The following RIMS3 variants were observed in gnomAD, a reference collection of about 807,000 sequenced individuals.
RIMS3 encodes regulating synaptic membrane exocytosis 3.
RIMS3 carries 15 observed loss-of-function variants against 29.2 expected under a neutral mutation model. The observed-to-expected ratio is 0.51, with a 90% CI of 0.34 to 0.79. The LOEUF (loss-of-function observed/expected upper bound fraction) is 0.79, where lower values mean the gene tolerates loss of function less well. Ranked by LOEUF, RIMS3 falls within the 30% of genes least tolerant of loss-of-function variation. RIMS3 has a pLI of 0.01. For missense variants in RIMS3, 342 were observed against 421.4 expected (o/e 0.81, Z 1.65); for synonymous variants, 161 against 170.1 (o/e 0.95, Z 0.41).
In RIMS3 at chr1:40,636,178, G is replaced by A; in HGVS notation, c.218-121C>T. On this transcript the variant is annotated intron_variant, in intron 3 of 7. Transcript: ENST00000372684. This position sits in a 1 kb window ranked among gnomAD's most constrained non-coding sequence, Gnocchi z 4.2. ...GGGGGGTTGATGGGGAGGATGAGCAGGGCTCTGACTGGAGGCAGGGGCATG... is the reference window on the plus strand; with the variant it reads ...GGGGGGTTGATGGGGAGGATGAGCAAGGCTCTGACTGGAGGCAGGGGCATG... 1 of 1,287,838 alleles carries A rather than the reference G, an allele frequency of 7.8e-7. No individual in the cohort carries two copies. Among genetic ancestry groups the A allele is most frequent in the Non-Finnish European group, 1.1e-6 (1 of 921,962 alleles). The allele number at this position is 1,287,838 out of a possible 1,614,324, so 79.8% of individuals were successfully genotyped here. A position where few individuals can be genotyped will look rare whatever the true frequency, so the allele number is the denominator to read the frequency against.
chr1:40,644,846 C>G (rs1256292569), intron 2 of RIMS3, among the ~76,000 whole-genome samples: 2 of 152,150 alleles, frequency 1.3e-5, no homozygotes, highest in African/African-American at 4.8e-5. Context: ...TGACCCTGGG[C>G]CCCCGGGCCT....
intron 2 of RIMS3, among the ~76,000 whole-genome samples, chr1:40,642,202 T>C (rs112892997): frequency 0.017 from 2,546 of 152,330 alleles, 30 homozygotes; most frequent in Middle Eastern, 0.051. Context: ...ACCGAGGCTG[T>C]GGAGTCACAT....
intron 1 of RIMS3, among the ~76,000 whole-genome samples, chr1:40,648,313 G>GA (rs1646608256): frequency 6.6e-6 from 1 of 152,102 alleles, no homozygotes; most frequent in African/African-American, 2.4e-5. Context: ...TCTACAAAAC[G>GA]AGTCTAATCA....
rs186188589 is a variant in RIMS3, at chr1:40,636,319, C to A, written c.218-262G>T. Reference sequence around the variant, plus strand: ...AGGCAGAGTCATGATGGCGCCACCACGCAGAGCCGCAGATCCGCAGCTGGG... The same window carrying A: ...AGGCAGAGTCATGATGGCGCCACCAAGCAGAGCCGCAGATCCGCAGCTGGG... On this transcript the variant is annotated intron_variant, in intron 3 of 7. Coordinates refer to ENST00000372684, the MANE Select transcript of RIMS3 (RefSeq NM_014747.3). The surrounding 1 kb of genome is among the most constrained non-coding windows in gnomAD (Gnocchi z 4.2). Among the ~76,000 whole-genome samples the A allele has an allele frequency of 6.6e-6, 1 of 152,194 alleles. No individual in the cohort carries two copies. The highest frequency in any genetic ancestry group is 6.5e-5 in the Admixed American group (1 of 15,288).
intron 3 of RIMS3, 62 bp downstream of exon 3, chr1:40,641,647 G>T: frequency 6.6e-7 from 1 of 1,524,096 alleles, no homozygotes; most frequent in Non-Finnish European, 9.0e-7. Context: ...GGCAGTCCCT[G>T]GGTAGTCTGT....
rs1039224257 is a variant in RIMS3 at position 40,625,016 on chromosome 1, C to T, written c.*1501G>A. On this transcript the variant is annotated 3_prime_UTR_variant, in exon 8 of 8. Coordinates refer to ENST00000372684, the MANE Select transcript of RIMS3 (RefSeq NM_014747.3). Reference sequence around the variant, plus strand: ...AACCCAAGGGCTGCTCTGTCCATGTCCTGTGCAACCTCTCGCCTTTCACCC... The same window carrying T: ...AACCCAAGGGCTGCTCTGTCCATGTTCTGTGCAACCTCTCGCCTTTCACCC... The T allele has an allele frequency of 8.5e-5, 13 of 152,502 alleles. No individual in the cohort carries two copies. The highest frequency in any genetic ancestry group is 1.3e-4 in the Non-Finnish European group (9 of 68,226). The allele number at this position is 152,502 out of a possible 1,614,324, so 9.4% of individuals were successfully genotyped here.
chr1:40,637,120 G>C (rs145420347), intron 3 of RIMS3, among the ~76,000 whole-genome samples: 2 of 152,194 alleles, frequency 1.3e-5, no homozygotes, highest in Non-Finnish European at 2.9e-5. Flanking sequence ...CCTACAGGGA[G>C]GGGGAGAGGC....
At chr1:40,634,950 A>AC (rs1192274075) in intron 4 of RIMS3, among the ~76,000 whole-genome samples, 4 of 152,006 alleles carry the variant, frequency 2.6e-5, no homozygotes, top group Admixed American at 2.6e-4. Context: ...ACAAAAAAAA[A>AC]AAAAACAAAA....
intron 1 of RIMS3, among the ~76,000 whole-genome samples, chr1:40,655,449 G>A (rs1642261832): frequency 6.6e-6 from 1 of 152,214 alleles, no homozygotes; most frequent in African/African-American, 2.4e-5. Context: ...CAAGCAGGTT[G>A]TGAAAACAAT....
At chr1:40,650,863 CAAAAA>C (rs58578342) in intron 1 of RIMS3, among the ~76,000 whole-genome samples, 4 of 64,554 alleles carry the variant, frequency 6.2e-5, no homozygotes, top group African/African-American at 1.5e-4. Context: ...CAGACTCTGT[CAAAAA>C]AAAAAAAAAA....
Position 40,626,468 on chromosome 1 carries a change from C to G in RIMS3, c.*49G>C. 6.7e-7 allele frequency: 1 copy of G among 1,499,896 alleles called. No individual in the cohort carries two copies. Among genetic ancestry groups the G allele is most frequent in the Non-Finnish European group, 9.1e-7 (1 of 1,098,308 alleles). 92.9% of individuals were successfully genotyped at this position (1,499,896 alleles called of 1,614,324 possible). A position where few individuals can be genotyped will look rare whatever the true frequency, so the allele number is the denominator to read the frequency against. On this transcript the variant is annotated 3_prime_UTR_variant, in exon 8 of 8. Coordinates refer to ENST00000372684, the MANE Select transcript of RIMS3 (RefSeq NM_014747.3). The stretch of plus-strand genomic sequence containing the variant: ...CTATGTACAGGGGAGGACATGGGGC[C>G]AGCAGGCACCCCTCCCCACACCACC...
intron 2 of RIMS3, among the ~76,000 whole-genome samples, chr1:40,645,456 G>C (rs1004539322): frequency 1.3e-5 from 2 of 152,186 alleles, no homozygotes; most frequent in African/African-American, 2.4e-5. Context: ...TCCACAAAGA[G>C]ACAGAATGCT....
chr1:40,629,430 G>T, intron 5 of RIMS3, 58 bp from the exon 6 acceptor site: 2 of 1,369,752 alleles, frequency 1.5e-6, no homozygotes, highest in Non-Finnish European at 1.0e-6. Context: ...AGGCCAGCCA[G>T]CTGCTGTACT....
At position 40,656,217 on chromosome 1, in the gene RIMS3, G is replaced by C. The variant is rs562778293; in HGVS notation, c.-206-8375C>G. Among the ~76,000 whole-genome samples, 25 of 152,222 alleles carry C rather than the reference G, an allele frequency of 1.6e-4. No individual in the cohort carries two copies. In the South Asian group the frequency reaches 5.0e-3, roughly 30 times the overall value. Reference sequence around the variant, plus strand: ...CCTCTACACTCCAGCCTGAGCGACAGAGTGAGATCTAGTCTCGATAAATAA... The same window carrying C: ...CCTCTACACTCCAGCCTGAGCGACACAGTGAGATCTAGTCTCGATAAATAA... On this transcript the variant is annotated intron_variant, in intron 1 of 7. Coordinates refer to ENST00000372684, the MANE Select transcript of RIMS3 (RefSeq NM_014747.3).
chr1:40,626,595 T>C lies in RIMS3; in HGVS notation c.849A>G (p.Ala283=), dbSNP rs1388842620. ...TGGTGAGGGATCCGAGTGTGGAGTC[T>C]GCCACTGAGGAGGTGGGGAAGAGTT... is the stretch of plus-strand genomic sequence containing the variant. ...WYKLFPTSSV[A]DSTLGSLTRR... is the part of the protein sequence containing the mutation. Residue 283 remains alanine, a synonymous_variant, in exon 8 of 8, where the codon GCA becomes GCG. Coordinates refer to ENST00000372684, the MANE Select transcript of RIMS3 (RefSeq NM_014747.3). 6.2e-7 allele frequency: 1 copy of C among 1,614,006 alleles called. No homozygotes were observed. Among genetic ancestry groups the C allele is most frequent in the Non-Finnish European group, 8.5e-7 (1 of 1,180,038 alleles).
rs903975978 is a variant in RIMS3, at chr1:40,625,281, C to G, written c.*1236G>C. ...CTCTGCAGAGGGCAGCAGTGGGGCA[C>G]AGGAAAGCAGGGAAGCCCGGAGGGG... is the stretch of plus-strand genomic sequence containing the variant. On this transcript the variant is annotated 3_prime_UTR_variant, in exon 8 of 8. Coordinates refer to ENST00000372684, the MANE Select transcript of RIMS3 (RefSeq NM_014747.3). 6.5e-6 allele frequency: 1 copy of G among 152,874 alleles called. No homozygotes were observed. The highest frequency in any genetic ancestry group is 6.5e-5 in the Admixed American group (1 of 15,270). 9.5% of individuals were successfully genotyped at this position (152,874 alleles called of 1,614,324 possible). A position where few individuals can be genotyped will look rare whatever the true frequency, so the allele number is the denominator to read the frequency against.
chr1:40,663,428 T>C (rs1403325791), intron 1 of RIMS3, among the ~76,000 whole-genome samples: 1 of 150,780 alleles, frequency 6.6e-6, no homozygotes, highest in Non-Finnish European at 1.5e-5. Flanking sequence ...CAGGTGAGAG[T>C]TCTCACATGG....
At chr1:40,679,662 G>A in the RIMS3 span, among the ~76,000 whole-genome samples, 5 of 152,114 alleles carry the variant, frequency 3.3e-5, no homozygotes, top group Non-Finnish European at 7.3e-5. Context: ...AGCCAAATCA[G>A]GGGACTCAAT....
chr1:40,648,010 C>T (rs1016673198), intron 1 of RIMS3, among the ~76,000 whole-genome samples, 168 bp from the exon 2 acceptor site: 5 of 152,180 alleles, frequency 3.3e-5, no homozygotes, highest in African/African-American at 1.2e-4. Context: ...ATTTTTACAA[C>T]TCATGGGCCC....
Sources: gnomAD v4.1 joint callset for allele counts (sites outside exome capture counted in the v4.1 genomes callset) on GRCh38, gnomAD v4.1.1 for gene constraint, Gnocchi (gnomAD v3.1) non-coding constraint, MANE v1.5 for transcripts, NCBI Gene and HGNC (gene_info 2026-07-23, HGNC 2026-07-21) for gene names.